Variants in BIVM observed in about 807,000 individuals in gnomAD.
The protein encoded by BIVM is basic immunoglobulin-like variable motif-containing protein.
In BIVM, 31 loss-of-function variants were observed where a neutral mutation model predicts 61.4. The observed-to-expected ratio is 0.51, with a 90% CI of 0.38 to 0.68. BIVM has a LOEUF of 0.68. Among genes scored for constraint, BIVM ranks in the 30% least tolerant of loss-of-function variants. BIVM has a pLI of 0.00. For synonymous variants in BIVM, 189 were observed against 210.7 expected (o/e 0.90, Z 0.89); for missense variants, 526 against 596.0 (o/e 0.88, Z 1.22).
rs965328611 is a variant in BIVM at position 102,799,825 on chromosome 13, C to T, written c.-207+304C>T. Among the ~76,000 whole-genome samples, 14 of 152,216 alleles carry T rather than the reference C, an allele frequency of 9.2e-5. 1 individual carries two copies. The highest frequency in any genetic ancestry group is 8.5e-4 in the Admixed American group (13 of 15,290). The stretch of plus-strand genomic sequence containing the variant: ...AGCGCCAGGGAAAGAAGGGCCTAGC[C>T]CTCTGGTGAACAAAGCTCGATTAGG... On this transcript the variant is annotated intron_variant, in intron 1 of 10. Transcript: ENST00000257336.
At chr13:102,821,659 G>T in intron 5 of BIVM, 84 bp from the exon 6 acceptor site, 1 of 1,153,726 alleles carries the variant, frequency 8.7e-7, no homozygotes, top group South Asian at 1.8e-5. Flanking sequence ...TTGCAAATCA[G>T]ACAAGCATAT....
At position 102,804,718 on chromosome 13, in the gene BIVM, C is replaced by T. The variant is rs1221995147; in HGVS notation, c.-206-589C>T. 2.6e-5 allele frequency among the ~76,000 whole-genome samples: 4 copies of T among 152,188 alleles called. No individual in the cohort carries two copies. The East Asian group carries it at 7.7e-4, about 29-fold the overall frequency. On this transcript the variant is annotated intron_variant, in intron 1 of 10. Coordinates refer to ENST00000257336, the MANE Select transcript of BIVM (RefSeq NM_017693.4). ...CAAATGATCCACCCGCCTCAGCCTCCCAAAGTGCTGGGATTACAGGCATGA... is the reference window on the plus strand; with the variant it reads ...CAAATGATCCACCCGCCTCAGCCTCTCAAAGTGCTGGGATTACAGGCATGA...
intron 3 of BIVM, among the ~76,000 whole-genome samples, chr13:102,812,647 A>G (rs74109671): frequency 0.034 from 5,158 of 152,132 alleles, 258 homozygotes; most frequent in African/African-American, 0.11. Context: ...GATTTTCTAC[A>G]TTTCCCTGTA....
At chr13:102,832,472 G>A (rs1303052776) in intron 8 of BIVM, among the ~76,000 whole-genome samples, 4 of 152,184 alleles carry the variant, frequency 2.6e-5, no homozygotes, top group Non-Finnish European at 2.9e-5. Flanking sequence ...AAAGTGCTGG[G>A]ATTACAGGTG....
intron 3 of BIVM, among the ~76,000 whole-genome samples, chr13:102,808,198 C>A (rs772009610): frequency 6.6e-6 from 1 of 152,124 alleles, no homozygotes; most frequent in Non-Finnish European, 1.5e-5. Context: ...CCATGTACCA[C>A]CAAGTGGGTT....
intron 4 of BIVM, 46 bp downstream of exon 4, chr13:102,816,600 A>G (rs201422847): frequency 1.3e-4 from 193 of 1,455,872 alleles, no homozygotes; most frequent in South Asian, 9.2e-4. Context: ...AATATGTAAT[A>G]TATGTTGGCA....
rs990349386 is a variant in BIVM, at chr13:102,821,010, G to A, written c.606-27G>A. ...ATGCATATTTTGTGTTCATTCAAGT[G>A]AAGAAAACAGTCTTTTGTGTTCTCA... On this transcript the variant is annotated intron_variant, in intron 4 of 10. Transcript: ENST00000257336. The A allele has an allele frequency of 5.0e-6, 8 of 1,591,656 alleles. No individual in the cohort carries two copies. In the Admixed American group the frequency reaches 1.2e-4, roughly 24 times the overall value.
chr13:102,819,648 T>C (rs539485298), intron 4 of BIVM, among the ~76,000 whole-genome samples: 181 of 152,082 alleles, frequency 1.2e-3, no homozygotes, highest in African/African-American at 4.1e-3. Context: ...AAATAGCTAA[T>C]GCACACAGAG....
intron 1 of BIVM, among the ~76,000 whole-genome samples, chr13:102,800,076 C>G (rs1004022223): frequency 1.3e-5 from 2 of 152,216 alleles, no homozygotes; most frequent in African/African-American, 2.4e-5. Context: ...GCCCCGAAAA[C>G]CCAGAAGAGC....
chr13:102,807,643 A>G lies in BIVM; in HGVS notation c.376A>G (p.Ser126Gly), dbSNP rs1472111060. The G allele has an allele frequency of 6.2e-7, 1 of 1,614,200 alleles. No individual in the cohort carries two copies. The highest frequency in any genetic ancestry group is 2.2e-5 in the East Asian group (1 of 44,886). The change falls in exon 3 of 11, where the codon AGC (serine) becomes GGC (glycine). Residue 126 changes from serine to glycine, a missense_variant. Physicochemically the swap from Ser to Gly is moderately conservative, Grantham distance 56. Around this residue, in one of 3 missense-constraint regions of BIVM, gnomAD observed 312 missense variants for 343.8 expected, o/e 0.91. Transcript: ENST00000257336. This position sits in a 1 kb window ranked among gnomAD's most constrained non-coding sequence, Gnocchi z 4.0. ...GGAAATTATCTACAATGAAGAAAAT[A>G]GCTTGGAAAACTTATCCAACAGCCT... ...TSEIIYNEEN[S>G]LENLSNSLGK...
At chr13:102,820,714 C>T (rs746803227) in intron 4 of BIVM, 4 of 230,282 alleles carry the variant, frequency 1.7e-5, no homozygotes, top group Non-Finnish European at 3.3e-5. Flanking sequence ...TCTGAAGTTG[C>T]AAATAATCAT....
intron 9 of BIVM, among the ~76,000 whole-genome samples, chr13:102,837,794 T>A (rs1036629399): frequency 5.3e-5 from 8 of 152,352 alleles, no homozygotes; most frequent in African/African-American, 1.9e-4. Flanking sequence ...GTGAAGTAAC[T>A]CAGGAATGGA....
rs777454326 is a variant in BIVM at position 102,816,573 on chromosome 13, A to AT, written c.605+26dup. 5 of 1,482,184 alleles carry AT rather than the reference A, an allele frequency of 3.4e-6. No individual in the cohort carries two copies. Among genetic ancestry groups the AT allele is most frequent in the East Asian group, 2.6e-5 (1 of 38,408 alleles). The allele number at this position is 1,482,184 out of a possible 1,614,324, so 91.8% of individuals were successfully genotyped here. On this transcript the variant is annotated intron_variant, in intron 4 of 10. Coordinates refer to ENST00000257336, the MANE Select transcript of BIVM (RefSeq NM_017693.4). ...GACGATGGTGATGTTATCAGTTTTT[A>AT]TTTTTTTCATTTTTGAAATATGTAA...
chr13:102,817,597 G>T lies in BIVM; in HGVS notation c.605+1043G>T, dbSNP rs150637183. Among the ~76,000 whole-genome samples, 245 of 152,098 alleles carry T rather than the reference G, an allele frequency of 1.6e-3. 1 individual carries two copies. Among genetic ancestry groups the T allele is most frequent in the Non-Finnish European group, 2.6e-3 (174 of 67,956 alleles). On this transcript the variant is annotated intron_variant, in intron 4 of 10. Coordinates refer to ENST00000257336, the MANE Select transcript of BIVM (RefSeq NM_017693.4). ...AGGTTCCATCAGCTTTTTACCTTAT[G>T]GTTTTAGCCAAATGTATTGACAACC...
chr13:102,801,985 A>G (rs1878779914), intron 1 of BIVM, among the ~76,000 whole-genome samples: 1 of 152,190 alleles, frequency 6.6e-6, no homozygotes, highest in African/African-American at 2.4e-5. Flanking sequence ...GAAAGGAATG[A>G]GATGGAGCTA....
At chr13:102,819,244 G>A (rs977358437) in intron 4 of BIVM, among the ~76,000 whole-genome samples, 1 of 152,150 alleles carries the variant, frequency 6.6e-6, no homozygotes, top group Admixed American at 6.5e-5. Flanking sequence ...GAGTTGTGTT[G>A]TTCAGTGGGT....
chr13:102,802,092 C>G (rs1878785586), intron 1 of BIVM, among the ~76,000 whole-genome samples: 1 of 152,138 alleles, frequency 6.6e-6, no homozygotes, highest in African/African-American at 2.4e-5. Flanking sequence ...ATGTAGCAAA[C>G]TTTATTTTCT....
intron 8 of BIVM, 26 bp from the exon 9 acceptor site, chr13:102,834,440 G>A (rs370442271): frequency 4.0e-5 from 64 of 1,581,126 alleles, no homozygotes; most frequent in African/African-American, 2.1e-4. Flanking sequence ...ACTATTAAAC[G>A]TACTGTGAAT....
chr13:102,809,911 G>A (rs1001817857), intron 3 of BIVM, among the ~76,000 whole-genome samples: 4 of 151,406 alleles, frequency 2.6e-5, no homozygotes, highest in East Asian at 2.0e-4. Context: ...TCAGCCTCCC[G>A]AGTACCTGGG....
Sources: gnomAD v4.1 joint callset for allele counts (sites outside exome capture counted in the v4.1 genomes callset) on GRCh38, gnomAD v4.1.1 for gene constraint, gnomAD v4.1.1 regional missense constraint, Gnocchi (gnomAD v3.1) non-coding constraint, MANE v1.5 for transcripts, NCBI Gene and HGNC (gene_info 2026-07-23, HGNC 2026-07-21) for gene names.